Variants in RERE observed in about 807,000 individuals in gnomAD.
The protein encoded by RERE is arginine-glutamic acid dipeptide repeats, also known as arginine-glutamic acid dipeptide repeats protein.
In RERE, 40 loss-of-function variants were observed where a neutral mutation model predicts 146.1. The ratio of observed to expected loss-of-function variants is 0.27; its 90% CI spans 0.21 to 0.36. RERE has a LOEUF of 0.36. Among genes scored for constraint, RERE ranks in the 10% least tolerant of loss-of-function variants. RERE has a pLI of 1.00. For synonymous variants in RERE, 1,003 were observed against 866.0 expected (o/e 1.16, Z -2.78); for missense variants, 1,933 against 2,138.7 (o/e 0.90, Z 1.90).
At position 8,369,508 on chromosome 1, in the gene RERE, T is replaced by TAAAAAAAAAAAAAAAAAAA. The variant is rs1186718390; in HGVS notation, c.1285-3553_1285-3535dup. Among the ~76,000 whole-genome samples, 26 of 76,898 alleles carry TAAAAAAAAAAAAAAAAAAA rather than the reference T, an allele frequency of 3.4e-4. 1 individual carries two copies. The highest frequency in any genetic ancestry group is 1.0e-3 in the African/African-American group (24 of 23,658). The allele number at this position is 76,898 out of a possible 152,430, so 50.4% of individuals were successfully genotyped here. A position where few individuals can be genotyped will look rare whatever the true frequency, so the allele number is the denominator to read the frequency against. On this transcript the variant is annotated intron_variant, in intron 12 of 22. Transcript: ENST00000400908. Reference sequence around the variant, plus strand: ...ATCGAATAAATCTTTCGCCTTTTACTAAAAAAAAAAAAAAAAAAAAAAAAA... The same window carrying TAAAAAAAAAAAAAAAAAAA: ...ATCGAATAAATCTTTCGCCTTTTACTAAAAAAAAAAAAAAAAAAAAAAAAAAAAAAAAAAAAAAAAAAAA...
intron 7 of RERE, among the ~76,000 whole-genome samples, chr1:8,526,424 A>C (rs2124354817): frequency 6.6e-6 from 1 of 152,246 alleles, no homozygotes; most frequent in East Asian, 1.9e-4. Context: ...ATTTAAAAAC[A>C]TAGTAGTAGC....
intron 7 of RERE, among the ~76,000 whole-genome samples, chr1:8,510,068 G>A (rs1398769760): frequency 2.6e-5 from 4 of 152,158 alleles, no homozygotes; most frequent in African/African-American, 9.7e-5. Flanking sequence ...GGGGAGAAAG[G>A]GAGGAGGAAG....
At chr1:8,715,350 A>G (rs1480736330) in intron 1 of RERE, among the ~76,000 whole-genome samples, 1 of 151,552 alleles carries the variant, frequency 6.6e-6, no homozygotes, top group Non-Finnish European at 1.5e-5. Flanking sequence ...CGTCTCTACT[A>G]AAAACACAAA....
chr1:8,460,348 G>A (rs72636944), intron 11 of RERE, among the ~76,000 whole-genome samples: 2,781 of 152,324 alleles, frequency 0.018, 58 homozygotes, highest in Middle Eastern at 0.038. Context: ...TTCTGTGTAA[G>A]TAATTCCTTG....
intron 12 of RERE, among the ~76,000 whole-genome samples, chr1:8,379,682 C>T (rs542688771): frequency 1.3e-3 from 203 of 152,312 alleles, no homozygotes; most frequent in African/African-American, 4.7e-3. Context: ...ATGCAGGCTG[C>T]TATGCATGTG....
At chr1:8,778,128 G>A (rs1641102249) in intron 1 of RERE, among the ~76,000 whole-genome samples, 1 of 152,084 alleles carries the variant, frequency 6.6e-6, no homozygotes, top group Non-Finnish European at 1.5e-5. Flanking sequence ...AGCAAGAACT[G>A]ACTCACCTCA....
intron 1 of RERE, among the ~76,000 whole-genome samples, chr1:8,797,125 G>A (rs150875913): frequency 0.015 from 2,208 of 152,184 alleles, 28 homozygotes; most frequent in Non-Finnish European, 0.019. Context: ...TGTCATCCCA[G>A]CACTTTGGGA....
intron 7 of RERE, among the ~76,000 whole-genome samples, chr1:8,525,468 G>T (rs902247577): frequency 6.6e-6 from 1 of 152,170 alleles, no homozygotes; most frequent in Non-Finnish European, 1.5e-5. Context: ...CACCCAGCAC[G>T]ACTGAGGTTA....
intron 10 of RERE, 109 bp from the exon 11 acceptor site, chr1:8,466,132 G>T: frequency 2.3e-6 from 2 of 859,106 alleles, no homozygotes; most frequent in South Asian, 1.8e-5. Context: ...AGTCAGGAAA[G>T]GGGCACTGAG....
intron 1 of RERE, among the ~76,000 whole-genome samples, chr1:8,699,043 A>G (rs922620177): frequency 6.6e-6 from 1 of 152,116 alleles, no homozygotes; most frequent in Admixed American, 6.5e-5. Context: ...CATCATGCTC[A>G]TTTTTATTTG....
chr1:8,696,078 A>T (rs942509989), intron 1 of RERE, among the ~76,000 whole-genome samples: 6 of 152,172 alleles, frequency 3.9e-5, no homozygotes, highest in African/African-American at 1.4e-4. Flanking sequence ...GCCAAAAAAC[A>T]ACAGACACTG....
chr1:8,680,617 T>C (rs1411383225), intron 1 of RERE, among the ~76,000 whole-genome samples: 1 of 152,086 alleles, frequency 6.6e-6, no homozygotes, highest in East Asian at 1.9e-4. Context: ...TTCTTAAGCA[T>C]GAGAATCAGA....
intron 1 of RERE, among the ~76,000 whole-genome samples, chr1:8,713,741 A>AATG (rs1232190342): frequency 2.0e-5 from 3 of 152,132 alleles, no homozygotes; most frequent in African/African-American, 4.8e-5. Flanking sequence ...TCTCAAAAAT[A>AATG]ATGATGATGA....
intron 12 of RERE, among the ~76,000 whole-genome samples, chr1:8,416,392 T>C (rs1050455871): frequency 1.3e-5 from 2 of 152,170 alleles, no homozygotes; most frequent in South Asian, 2.1e-4. Context: ...GAGACCATCC[T>C]GGTTAACATG....
intron 8 of RERE, among the ~76,000 whole-genome samples, chr1:8,501,254 G>A (rs1369901078): frequency 9.1e-5 from 13 of 142,094 alleles, no homozygotes; most frequent in African/African-American, 2.9e-4. Flanking sequence ...CGGGAGGTGA[G>A]GGGCGCCTCT....
intron 12 of RERE, among the ~76,000 whole-genome samples, chr1:8,407,557 TC>T (rs1405454150): frequency 2.6e-5 from 4 of 152,048 alleles, no homozygotes; most frequent in African/African-American, 9.7e-5. Flanking sequence ...AGCCTACCTC[TC>T]AAGGCCCTAG....
chr1:8,775,694 AAACAAGT>A (rs1641050705), intron 1 of RERE, among the ~76,000 whole-genome samples: 1 of 152,198 alleles, frequency 6.6e-6, no homozygotes, highest in South Asian at 2.1e-4. Flanking sequence ...GTTTTCTAGG[AAACAAGT>A]AACTAACATA....
intron 11 of RERE, chr1:8,424,130 GCCCCAAC>G (rs1184699964): frequency 6.6e-6 from 1 of 152,192 alleles, no homozygotes; most frequent in Non-Finnish European, 1.5e-5. Context: ...CACGCCCTCC[GCCCCAAC>G]CCCGCCTCAG....
chr1:8,433,476 G>C (rs1281853327), intron 11 of RERE, among the ~76,000 whole-genome samples: 2 of 152,044 alleles, frequency 1.3e-5, no homozygotes, highest in Non-Finnish European at 2.9e-5. Context: ...CTGTTTCCCA[G>C]GCTAGTCCCA....
Sources: allele counts gnomAD v4.1 joint callset (sites outside exome capture counted in the v4.1 genomes callset), GRCh38; gene constraint gnomAD v4.1.1; transcripts MANE v1.5; gene names NCBI Gene and HGNC (gene_info 2026-07-23, HGNC 2026-07-21).